NCALD: variants seen among roughly 807,000 people sequenced by gnomAD.
The protein encoded by NCALD is neurocalcin delta.
A neutral mutation model predicts 18.6 loss-of-function variants in NCALD; 10 were observed. The observed-to-expected ratio is 0.54, with a 90% CI of 0.33 to 0.91. The LOEUF (loss-of-function observed/expected upper bound fraction) is 0.91, where lower values mean the gene tolerates loss of function less well. NCALD is among the 40% of genes least tolerant of loss of function. The probability of loss-of-function intolerance (pLI) is 0.03; values close to 1 mark genes in which losing one functional copy is unlikely to be tolerated. For missense variants in NCALD, 184 were observed against 247.6 expected (o/e 0.74, Z 1.72); for synonymous variants, 88 against 87.4 (o/e 1.01, Z -0.04).
In NCALD at chr8:101,880,117, G is replaced by A. The variant is rs559472980; in HGVS notation, c.-20+7024C>T. Reference sequence around the variant, plus strand: ...GCGGTGAGGGAGGCTGGGGCATGGTGGGCTGCAGGTCCCGAGCCCTGCCCT... The same window carrying A: ...GCGGTGAGGGAGGCTGGGGCATGGTAGGCTGCAGGTCCCGAGCCCTGCCCT... On this transcript the variant is annotated intron_variant, in intron 4 of 6. Coordinates refer to the NCALD transcript ENST00000311028. Among the ~76,000 whole-genome samples the A allele has an allele frequency of 6.6e-5, 10 of 152,264 alleles. No individual in the cohort carries two copies. The South Asian group carries it at 1.2e-3, about 19-fold the overall frequency.
At chr8:101,710,331 G>A (rs1315936688) in intron 2 of NCALD, among the ~76,000 whole-genome samples, 1 of 152,192 alleles carries the variant, frequency 6.6e-6, no homozygotes, top group African/African-American at 2.4e-5. Context: ...GCACAAAACT[G>A]GAGGGCCATT....
chr8:102,018,015 A>C (rs1276181299), intron 2 of NCALD, among the ~76,000 whole-genome samples: 1 of 152,238 alleles, frequency 6.6e-6, no homozygotes, highest in Non-Finnish European at 1.5e-5. Flanking sequence ...TAGGGAAATG[A>C]AAATTAAAGC....
At chr8:101,814,393 C>G (rs151105877) in intron 4 of NCALD, among the ~76,000 whole-genome samples, 1 of 151,846 alleles carries the variant, frequency 6.6e-6, no homozygotes, top group Non-Finnish European at 1.5e-5. Flanking sequence ...AAATATCACA[C>G]GATTATATCA....
intron 4 of NCALD, among the ~76,000 whole-genome samples, chr8:101,828,751 C>G (rs1404815546): frequency 6.6e-6 from 1 of 152,078 alleles, no homozygotes; most frequent in Non-Finnish European, 1.5e-5. Flanking sequence ...ACAGCTCAAG[C>G]CACCATGACC....
intron 1 of NCALD, among the ~76,000 whole-genome samples, chr8:102,065,303 G>A (rs111670297): frequency 2.0e-5 from 3 of 151,754 alleles, no homozygotes; most frequent in African/African-American, 7.3e-5. Context: ...TCCATACGCA[G>A]GCGCCACCAC....
intron 1 of NCALD, among the ~76,000 whole-genome samples, chr8:101,742,205 C>A (rs1320535352): frequency 6.6e-6 from 1 of 150,456 alleles, no homozygotes; most frequent in Non-Finnish European, 1.5e-5. Flanking sequence ...TGCACTCCAG[C>A]CTGGGAGTGA....
intron 4 of NCALD, among the ~76,000 whole-genome samples, chr8:101,808,450 G>A (rs1475754223): frequency 6.6e-6 from 1 of 152,154 alleles, no homozygotes; most frequent in Non-Finnish European, 1.5e-5. Context: ...ATCTGTGGCA[G>A]CAGTTGCTAA....
Position 101,931,721 on chromosome 8 carries a change from A to G in NCALD, c.-156-15863T>C, listed in dbSNP as rs150803833. Among the ~76,000 whole-genome samples, 16 of 151,954 alleles carry G rather than the reference A, an allele frequency of 1.1e-4. No individual in the cohort carries two copies. The East Asian group carries it at 3.1e-3, about 29-fold the overall frequency. On this transcript the variant is annotated intron_variant, in intron 2 of 6. Transcript: ENST00000311028. ...TCCTTTTCATTTTCCTTTTAACACA[A>G]CTACTCTCATGTATGGGTGTAGTCC... is the stretch of plus-strand genomic sequence containing the variant.
At position 102,090,924 on chromosome 8, in the gene NCALD, T is replaced by C. The variant is rs370224043; in HGVS notation, c.-210+33313A>G. On this transcript the variant is annotated intron_variant, in intron 1 of 6. Coordinates refer to the NCALD transcript ENST00000311028. ...GAATCAAACTTGACTTGAGCCAACA[T>C]AGAGCCATTAGAAGCCCCTTGGGAA... 5.9e-5 allele frequency among the ~76,000 whole-genome samples: 9 copies of C among 152,230 alleles called. No homozygotes were observed. In the South Asian group the frequency reaches 6.2e-4, roughly 10 times the overall value.
intron 3 of NCALD, among the ~76,000 whole-genome samples, chr8:101,910,596 G>GA (rs1423037081): frequency 1.3e-5 from 2 of 152,116 alleles, no homozygotes; most frequent in African/African-American, 4.8e-5. Context: ...AAACAAAATG[G>GA]AAAGACAGAT....
chr8:101,965,484 A>G (rs1819989828), intron 2 of NCALD, among the ~76,000 whole-genome samples: 1 of 152,196 alleles, frequency 6.6e-6, no homozygotes, highest in Non-Finnish European at 1.5e-5. Context: ...TGATGCTGGA[A>G]ACCATCATTC....
At chr8:101,910,879 C>T (rs72679044) in intron 3 of NCALD, among the ~76,000 whole-genome samples, 1,838 of 152,294 alleles carry the variant, frequency 0.012, 19 homozygotes, top group Middle Eastern at 0.048. Context: ...AATCCTAAGA[C>T]TTTCCTAAGA....
At chr8:101,804,552 GATTATATAATATATAATTAATATAATTA>G (rs1232629291) in intron 4 of NCALD, among the ~76,000 whole-genome samples, 2,749 of 100,440 alleles carry the variant, frequency 0.027, 59 homozygotes, top group Middle Eastern at 0.051. Flanking sequence ...TAATATAATT[GATTATATAATATATAATTAATATAATTA>G]ATTATATAAT....
chr8:102,107,773 T>A (rs1478250726), intron 1 of NCALD, among the ~76,000 whole-genome samples: 1 of 152,170 alleles, frequency 6.6e-6, no homozygotes, highest in Non-Finnish European at 1.5e-5. Flanking sequence ...TCCTGAGAAG[T>A]CACATAGTTT....
At chr8:101,741,517 G>A (rs1810182726) in intron 1 of NCALD, among the ~76,000 whole-genome samples, 1 of 151,964 alleles carries the variant, frequency 6.6e-6, no homozygotes, top group Non-Finnish European at 1.5e-5. Context: ...AAATGGCTGG[G>A]ACTGACAACC....
rs1055504335 is a variant in NCALD at position 101,902,284 on chromosome 8, TTTTTTTTA to T, written c.-107+13517_-107+13524del. Among the ~76,000 whole-genome samples the T allele has an allele frequency of 1.5e-3, 184 of 120,490 alleles. 3 individuals are homozygous for T. In the East Asian group the frequency reaches 0.028, roughly 19 times the overall value. 79.0% of individuals were successfully genotyped at this position (120,490 alleles called of 152,430 possible). ...GCCCATCCACTGAGTTTTTTTTTTT[TTTTTTTTA>T]ACTTCATTTTCCTAGAAATTGGAAA... On this transcript the variant is annotated intron_variant, in intron 3 of 6. Transcript: ENST00000311028.
chr8:102,032,346 C>CG (rs1204233890), intron 1 of NCALD, among the ~76,000 whole-genome samples: 6 of 151,068 alleles, frequency 4.0e-5, no homozygotes, highest in African/African-American at 1.5e-4. Flanking sequence ...ATGATGATAG[C>CG]GAAAAAAAAG....
chr8:101,727,200 T>TAA (rs1234850213), intron 1 of NCALD, among the ~76,000 whole-genome samples: 2 of 152,236 alleles, frequency 1.3e-5, no homozygotes, highest in African/African-American at 4.8e-5. Flanking sequence ...CTGCTCTCTC[T>TAA]AAAGCACTGA....
At chr8:102,115,895 A>C (rs1825767443) in intron 1 of NCALD, among the ~76,000 whole-genome samples, 1 of 152,212 alleles carries the variant, frequency 6.6e-6, no homozygotes, top group African/African-American at 2.4e-5. Flanking sequence ...CAGCAAAGCA[A>C]AGCCCAGAAA....
Sources: gnomAD v4.1 joint callset for allele counts (sites outside exome capture counted in the v4.1 genomes callset) on GRCh38, gnomAD v4.1.1 for gene constraint, MANE v1.5 for transcripts, NCBI Gene and HGNC (gene_info 2026-07-23, HGNC 2026-07-21) for gene names.